Variants in ARHGEF37 observed in about 807,000 individuals in gnomAD.
ARHGEF37 encodes Rho guanine nucleotide exchange factor 37.
A neutral mutation model predicts 71.1 loss-of-function variants in ARHGEF37; 55 were observed. The observed-to-expected ratio is 0.77, with a 90% CI of 0.62 to 0.97. The LOEUF (loss-of-function observed/expected upper bound fraction) is 0.97. ARHGEF37 is among the 50% of genes least tolerant of loss of function. The pLI is 0.00. For missense variants in ARHGEF37, 765 were observed against 836.8 expected, an observed-to-expected ratio of 0.91 and a Z score of 1.06; for synonymous variants, 327 against 350.6, an observed-to-expected ratio of 0.93 and a Z score of 0.75.
intron 1 of ARHGEF37, among the ~76,000 whole-genome samples, chr5:149,569,801 A>G (rs1762941092): frequency 6.6e-6 from 1 of 151,672 alleles, no homozygotes; most frequent in South Asian, 2.1e-4. Context: ...TTGTATTTTT[A>G]GTTGAGCGAG....
chr5:149,557,292 T>C (rs2113228079), intron 1 of ARHGEF37, among the ~76,000 whole-genome samples: 1 of 152,314 alleles, frequency 6.6e-6, no homozygotes, highest in Non-Finnish European at 1.5e-5. Context: ...AGATATGACC[T>C]GTAGGACAAT....
chr5:149,567,128 A>G (rs998890614), intron 1 of ARHGEF37, among the ~76,000 whole-genome samples: 7 of 152,136 alleles, frequency 4.6e-5, no homozygotes, highest in African/African-American at 1.7e-4. Flanking sequence ...TCAATCTGGA[A>G]TTTTCAGCTT....
intron 10 of ARHGEF37, among the ~76,000 whole-genome samples, chr5:149,624,703 A>C (rs1323470240): frequency 6.6e-6 from 1 of 152,206 alleles, no homozygotes; most frequent in Non-Finnish European, 1.5e-5. Context: ...TGGAAGGCAG[A>C]GGTTGCAGTG....
intron 1 of ARHGEF37, among the ~76,000 whole-genome samples, chr5:149,552,353 C>CT (rs1380351869): frequency 4.0e-5 from 6 of 148,776 alleles, no homozygotes; most frequent in African/African-American, 1.5e-4. Context: ...TAATTTTTTT[C>CT]TTTTTTACAA....
At chr5:149,596,293 G>A (rs1390172998) in intron 1 of ARHGEF37, among the ~76,000 whole-genome samples, 1 of 152,064 alleles carries the variant, frequency 6.6e-6, no homozygotes, top group Non-Finnish European at 1.5e-5. Context: ...CTTGTCCATG[G>A]TATTGCCCTT....
rs149745660 is a variant in ARHGEF37, at chr5:149,576,453, T to G, written c.-11-21306T>G. ...GAAGATGGTAACACTTATCTTTTAG[T>G]ATCATCTAGCAGAATGCCTGGCTTA... On this transcript the variant is annotated intron_variant, in intron 1 of 2. Coordinates refer to the ARHGEF37 transcript ENST00000505810. Among the ~76,000 whole-genome samples the G allele has an allele frequency of 6.7e-3, 1,014 of 152,346 alleles. 14 individuals carry two copies. The highest frequency in any genetic ancestry group is 0.024 in the African/African-American group (985 of 41,576).
At chr5:149,585,542 G>T (rs1763211129) in intron 1 of ARHGEF37, among the ~76,000 whole-genome samples, 1 of 152,178 alleles carries the variant, frequency 6.6e-6, no homozygotes, top group African/African-American at 2.4e-5. Flanking sequence ...TTTAGAGACG[G>T]ATTCTTGCTC....
chr5:149,590,233 A>G (rs1393504720), intron 1 of ARHGEF37, among the ~76,000 whole-genome samples: 1 of 152,170 alleles, frequency 6.6e-6, no homozygotes, highest in Non-Finnish European at 1.5e-5. Context: ...TCTGTTCTAG[A>G]ATCAGAAGCA....
rs537662442 is a variant in ARHGEF37, at chr5:149,588,132, C to T, written c.-12+6508C>T. ...CAGGCTGGTCCTGAACTCCTGACCC[C>T]GTGATCTGCCCGCCTTGGCCTCCCA... On this transcript the variant is annotated intron_variant, in intron 1 of 12. Coordinates refer to ENST00000333677, the MANE Select transcript of ARHGEF37 (RefSeq NM_001001669.3). Among the ~76,000 whole-genome samples the T allele has an allele frequency of 3.9e-5, 6 of 151,962 alleles. No homozygotes were observed. In the South Asian group the frequency reaches 1.0e-3, roughly 26 times the overall value.
chr5:149,591,878 A>G (rs1763417364), intron 1 of ARHGEF37, among the ~76,000 whole-genome samples: 1 of 152,212 alleles, frequency 6.6e-6, no homozygotes, highest in African/African-American at 2.4e-5. Context: ...CTAAGCTATG[A>G]TGTTCACTAG....
At chr5:149,615,979 C>T (rs1164694465) in intron 4 of ARHGEF37, among the ~76,000 whole-genome samples, 2 of 152,170 alleles carry the variant, frequency 1.3e-5, no homozygotes, top group African/African-American at 2.4e-5. Flanking sequence ...ATACACAACA[C>T]AGAGTTGAGC....
chr5:149,630,862 C>T (rs989233625), intron 12 of ARHGEF37, among the ~76,000 whole-genome samples: 1 of 152,210 alleles, frequency 6.6e-6, no homozygotes, highest in African/African-American at 2.4e-5. Flanking sequence ...GAGGCTTGAC[C>T]ATCAGTAATG....
At chr5:149,622,975 A>G (rs1752587201) in intron 9 of ARHGEF37, among the ~76,000 whole-genome samples, 1 of 150,698 alleles carries the variant, frequency 6.6e-6, no homozygotes, top group Admixed American at 6.6e-5. Flanking sequence ...TTGCATGAAA[A>G]CTCTACTAAG....
chr5:149,627,160 A>G lies in ARHGEF37; in HGVS notation c.1549A>G (p.Ile517Val). 1.2e-6 allele frequency: 2 copies of G among 1,614,176 alleles called. No individual in the cohort carries two copies. The highest frequency in any genetic ancestry group is 1.7e-6 in the Non-Finnish European group (2 of 1,180,038). The change falls in exon 11 of 13, where the codon ATC (isoleucine) becomes GTC (valine). Residue 517 changes from isoleucine to valine, a missense_variant. Coordinates refer to ENST00000333677, the MANE Select transcript of ARHGEF37 (RefSeq NM_001001669.3). Reference sequence around the variant, plus strand: ...GAAGCTGTACCAGGTGACAAGCAACATCAGTGGGACTGGGACTCTGGACCT... The same window carrying G: ...GAAGCTGTACCAGGTGACAAGCAACGTCAGTGGGACTGGGACTCTGGACCT... ...PGKLYQVTSN[I>V]SGTGTLDLTL...
At chr5:149,563,136 C>T (rs951272918) in intron 1 of ARHGEF37, among the ~76,000 whole-genome samples, 1 of 152,204 alleles carries the variant, frequency 6.6e-6, no homozygotes, top group Non-Finnish European at 1.5e-5. Context: ...ATCCCGGTTA[C>T]TCACCTCTGT....
At chr5:149,554,041 GC>G (rs1300331305) in intron 1 of ARHGEF37, among the ~76,000 whole-genome samples, 13 of 152,150 alleles carry the variant, frequency 8.5e-5, no homozygotes, top group African/African-American at 2.9e-4. Context: ...GGTGGCGCAT[GC>G]CTGTAATCCC....
intron 1 of ARHGEF37, among the ~76,000 whole-genome samples, chr5:149,568,328 A>G (rs986708180): frequency 6.6e-6 from 1 of 152,158 alleles, no homozygotes; most frequent in Non-Finnish European, 1.5e-5. Context: ...TGCCTGGCCA[A>G]TATACTTGAT....
exon 1 of ARHGEF37, chr5:149,552,015 A>C (rs1762680863): frequency 6.6e-6 from 1 of 151,822 alleles, no homozygotes; most frequent in African/African-American, 2.4e-5. Flanking sequence ...AGTGTTATAG[A>C]CCCTCTTTCC....
intron 1 of ARHGEF37, among the ~76,000 whole-genome samples, chr5:149,566,798 G>A (rs1762905089): frequency 6.6e-6 from 1 of 152,016 alleles, no homozygotes; most frequent in East Asian, 1.9e-4. Context: ...ATCTCACTGA[G>A]AACTACATGT....
Sources: gnomAD v4.1 joint callset for allele counts (sites outside exome capture counted in the v4.1 genomes callset) on GRCh38, gnomAD v4.1.1 for gene constraint, MANE v1.5 for transcripts, NCBI Gene and HGNC (gene_info 2026-07-23, HGNC 2026-07-21) for gene names.